Variants in CYP39A1 observed in about 807,000 individuals in gnomAD.
The protein encoded by CYP39A1 is 24-hydroxycholesterol 7-alpha-hydroxylase.
Under a neutral mutation model 58.1 loss-of-function variants are expected in CYP39A1, and 49 were observed. That is an observed-to-expected ratio of 0.84 (90% CI 0.67 to 1.07). The LOEUF (loss-of-function observed/expected upper bound fraction) is 1.07. CYP39A1 is among the 50% of genes least tolerant of loss of function. The pLI is 0.00. For synonymous variants in CYP39A1, 209 were observed against 187.6 expected (o/e 1.11, Z -0.93); for missense variants, 531 against 539.4 (o/e 0.98, Z 0.16).
chr6:46,581,383 C>A (rs1157775988), intron 10 of CYP39A1, among the ~76,000 whole-genome samples: 1 of 147,918 alleles, frequency 6.8e-6, no homozygotes, highest in Non-Finnish European at 1.5e-5. Context: ...GCACTTTAGC[C>A]TGGGCAACAG....
chr6:46,587,340 A>G (rs768060000), intron 9 of CYP39A1, among the ~76,000 whole-genome samples, 175 bp from the exon 10 acceptor site: 1 of 152,174 alleles, frequency 6.6e-6, no homozygotes, highest in Non-Finnish European at 1.5e-5. Context: ...TTTCTGGAAC[A>G]TGAACTTATA....
intron 7 of CYP39A1, among the ~76,000 whole-genome samples, chr6:46,602,933 G>GGT (rs1554161684): frequency 7.6e-6 from 1 of 130,732 alleles, no homozygotes; most frequent in African/African-American, 2.8e-5. Context: ...TGGGGGGGGG[G>GGT]AGCTTTATTT....
chr6:46,652,360 G>C (rs372316473), intron 1 of CYP39A1, 46 bp downstream of exon 1: 96 of 1,537,320 alleles, frequency 6.2e-5, no homozygotes, highest in Middle Eastern at 5.4e-4. Flanking sequence ...GTTTAAAAAA[G>C]AAAGCATTGT....
At chr6:46,617,647 T>C (rs1310392517) in intron 7 of CYP39A1, among the ~76,000 whole-genome samples, 1 of 152,148 alleles carries the variant, frequency 6.6e-6, no homozygotes, top group Admixed American at 6.5e-5. Context: ...TCAACTTTCA[T>C]GCCAAACAAA....
At chr6:46,606,140 T>C (rs1773828149) in intron 7 of CYP39A1, among the ~76,000 whole-genome samples, 1 of 152,126 alleles carries the variant, frequency 6.6e-6, no homozygotes. Context: ...TAAAGTACTC[T>C]TAGTAAGTTA....
At position 46,615,603 on chromosome 6, in the gene CYP39A1, C is replaced by G. The variant is rs541337700; in HGVS notation, c.931+9815G>C. Among the ~76,000 whole-genome samples, 247 of 152,086 alleles carry G rather than the reference C, an allele frequency of 1.6e-3. 1 individual carries two copies. The highest frequency in any genetic ancestry group is 6.8e-3 in the Middle Eastern group (2 of 294). On this transcript the variant is annotated intron_variant, in intron 7 of 11. Transcript: ENST00000275016. ...CATCCTCTTTTTTTTATTTAAAAAT[C>G]CACGCATTGAGAGTTGAATCAAATT...
At chr6:46,643,458 C>T (rs530027883) in intron 1 of CYP39A1, among the ~76,000 whole-genome samples, 2 of 148,636 alleles carry the variant, frequency 1.3e-5, no homozygotes, top group Non-Finnish European at 3.0e-5. Context: ...AATGAAGTCC[C>T]ATTTTTGTGC....
chr6:46,621,047 AACATGAAATAAG>A (rs1242442654), intron 7 of CYP39A1, among the ~76,000 whole-genome samples: 7 of 152,176 alleles, frequency 4.6e-5, no homozygotes, highest in African/African-American at 1.2e-4. Flanking sequence ...TATAATAAGA[AACATGAAATAAG>A]ACATGAAATA....
intron 10 of CYP39A1, among the ~76,000 whole-genome samples, chr6:46,560,900 G>A (rs1218757720): frequency 1.3e-5 from 2 of 152,088 alleles, no homozygotes; most frequent in African/African-American, 4.8e-5. Context: ...AAGGAAGGTG[G>A]TGTGTCTGCA....
At chr6:46,614,531 A>G (rs1774416458) in intron 7 of CYP39A1, among the ~76,000 whole-genome samples, 1 of 152,128 alleles carries the variant, frequency 6.6e-6, no homozygotes, top group East Asian at 1.9e-4. Context: ...ATCTGGATAG[A>G]TGTGTCTTTT....
chr6:46,584,844 T>A (rs1158025198), intron 10 of CYP39A1, among the ~76,000 whole-genome samples: 3 of 152,138 alleles, frequency 2.0e-5, no homozygotes, highest in African/African-American at 4.8e-5. Context: ...ACCAGACATA[T>A]CCTTTCTCTT....
chr6:46,603,993 G>A (rs759742629), intron 7 of CYP39A1, among the ~76,000 whole-genome samples: 2 of 152,108 alleles, frequency 1.3e-5, no homozygotes, highest in African/African-American at 2.4e-5. Context: ...GCCTAGCATA[G>A]TATCTGGATA....
intron 7 of CYP39A1, among the ~76,000 whole-genome samples, chr6:46,612,187 A>C (rs1182752415): frequency 4.6e-5 from 7 of 152,330 alleles, no homozygotes; most frequent in Non-Finnish European, 1.0e-4. Flanking sequence ...GACTTCACAC[A>C]AAATCTCTTG....
intron 10 of CYP39A1, among the ~76,000 whole-genome samples, chr6:46,557,831 G>A (rs545408827): frequency 4.0e-4 from 61 of 150,862 alleles, no homozygotes; most frequent in South Asian, 2.7e-3. Context: ...CAGCTACTGC[G>A]GAGGCTGAGG....
intron 5 of CYP39A1, among the ~76,000 whole-genome samples, chr6:46,635,314 G>A (rs1775916245): frequency 6.6e-6 from 1 of 152,128 alleles, no homozygotes; most frequent in Admixed American, 6.5e-5. Context: ...TGAGGAAACT[G>A]AGGCCAAGAG....
intron 3 of CYP39A1, 89 bp from the exon 4 acceptor site, chr6:46,638,067 T>C: frequency 7.6e-7 from 1 of 1,309,168 alleles, no homozygotes; most frequent in Non-Finnish European, 1.0e-6. Flanking sequence ...TTCATAGCAA[T>C]ATATGGGGAG....
At chr6:46,626,815 T>G (rs1775337427) in intron 6 of CYP39A1, among the ~76,000 whole-genome samples, 1 of 152,172 alleles carries the variant, frequency 6.6e-6, no homozygotes, top group South Asian at 2.1e-4. Context: ...AGTGCTAAAT[T>G]ACTGAATTCA....
In CYP39A1 at chr6:46,631,036, G is replaced by T. The variant is rs144622436; in HGVS notation, c.767C>A (p.Thr256Lys). 6.2e-7 allele frequency: 1 copy of T among 1,613,882 alleles called. No homozygotes were observed. Among genetic ancestry groups the T allele is most frequent in the Admixed American group, 1.7e-5 (1 of 60,014 alleles). The stretch of plus-strand genomic sequence containing the variant: ...GGGTGAGTTTTCCTTACTTGTTTCC[G>T]TCTCTACAATATCCAGCGTAGCTTG... ...LLQATLDIVETETSKENSPNY... is the reference protein window; with the variant it reads ...LLQATLDIVEKETSKENSPNY... Residue 256 changes from threonine to lysine, a missense_variant, in exon 6 of 12, where the codon ACG (threonine) becomes AAG (lysine). Physicochemically the swap from Thr to Lys is moderately conservative, Grantham distance 78. Coordinates refer to ENST00000275016, the MANE Select transcript of CYP39A1 (RefSeq NM_016593.5).
chr6:46,647,495 T>G (rs907099977), intron 1 of CYP39A1, among the ~76,000 whole-genome samples: 2 of 152,212 alleles, frequency 1.3e-5, no homozygotes, highest in African/African-American at 4.8e-5. Flanking sequence ...TTTGTCTTTT[T>G]GGGGGCTGCT....
Sources: gnomAD v4.1 joint callset for allele counts (sites outside exome capture counted in the v4.1 genomes callset) on GRCh38, gnomAD v4.1.1 for gene constraint, MANE v1.5 for transcripts, NCBI Gene and HGNC (gene_info 2026-07-23, HGNC 2026-07-21) for gene names.